Variants in KDM5B observed in about 807,000 individuals in gnomAD.
The protein encoded by KDM5B is lysine-specific demethylase 5B.
In KDM5B, 144 loss-of-function variants were observed where a neutral mutation model predicts 193.4. That is an observed-to-expected ratio of 0.74 (90% CI 0.65 to 0.86). The LOEUF is 0.86. Ranked by LOEUF, KDM5B falls within the 40% of genes least tolerant of loss-of-function variation. The pLI, the probability that KDM5B is intolerant of heterozygous loss-of-function variation, is 0.00. For synonymous variants in KDM5B, 668 were observed against 682.6 expected, an observed-to-expected ratio of 0.98 and a Z score of 0.33; for missense variants, 1,833 against 1,886.9, an observed-to-expected ratio of 0.97 and a Z score of 0.53.
intron 13 of KDM5B, 23 bp from the exon 14 acceptor site, chr1:202,749,162 A>G (rs1655692780): frequency 6.3e-7 from 1 of 1,590,148 alleles, no homozygotes; most frequent in Non-Finnish European, 8.6e-7. Flanking sequence ...ACGGAAAGAA[A>G]AAAATAACAT....
At position 202,733,776 on chromosome 1, in the gene KDM5B, G is replaced by T; in HGVS notation, c.3534C>A (p.Ile1178=). Residue 1178 remains isoleucine, a synonymous_variant, in exon 23 of 27, where the codon ATC becomes ATA. Coordinates refer to ENST00000367265, the MANE Select transcript of KDM5B (RefSeq NM_006618.5). ...CAGCTGGGGCCTTCTGACATAGGCA[G>T]ATTTTTATATCCACATCTTGGAGAG... is the stretch of plus-strand genomic sequence containing the variant. ...LSPLQDVDIK[I]CLCQKAPAAP... 3 of 1,614,182 alleles carry T rather than the reference G, an allele frequency of 1.9e-6. No individual in the cohort carries two copies. The highest frequency in any genetic ancestry group is 2.5e-6 in the Non-Finnish European group (3 of 1,180,018).
At chr1:202,753,849 T>C (rs937944537) in intron 11 of KDM5B, among the ~76,000 whole-genome samples, 1 of 151,812 alleles carries the variant, frequency 6.6e-6, no homozygotes, top group Admixed American at 6.6e-5. Context: ...TTTGTATTTT[T>C]AGTGGACACG....
chr1:202,763,164 T>C (rs938782789), intron 6 of KDM5B, among the ~76,000 whole-genome samples: 1 of 152,140 alleles, frequency 6.6e-6, no homozygotes, highest in African/African-American at 2.4e-5. Context: ...ACCAACTATA[T>C]CTCCTCCACA....
At chr1:202,779,454 G>C (rs931821452) in intron 1 of KDM5B, among the ~76,000 whole-genome samples, 17 of 151,716 alleles carry the variant, frequency 1.1e-4, no homozygotes, top group African/African-American at 3.4e-4. Flanking sequence ...ACTACAGCCT[G>C]GGTGACAGAG....
intron 11 of KDM5B, among the ~76,000 whole-genome samples, chr1:202,755,036 C>T (rs1028681188): frequency 2.0e-5 from 3 of 152,166 alleles, no homozygotes; most frequent in Non-Finnish European, 4.4e-5. Flanking sequence ...CCCAGAATTA[C>T]GTTGTTCTTG....
At chr1:202,753,125 T>C in intron 11 of KDM5B, 58 bp from the exon 12 acceptor site, 6 of 1,440,476 alleles carry the variant, frequency 4.2e-6, no homozygotes, top group Non-Finnish European at 5.7e-6. Flanking sequence ...CAAAATGGGT[T>C]ACCAGTTCAT....
intron 1 of KDM5B, among the ~76,000 whole-genome samples, chr1:202,778,285 TTAAA>T (rs914159365): frequency 2.0e-5 from 3 of 151,988 alleles, no homozygotes; most frequent in Non-Finnish European, 4.4e-5. Context: ...AATCAGACAA[TTAAA>T]TATATATATA....
At chr1:202,740,254 G>T (rs1165423006) in intron 20 of KDM5B, among the ~76,000 whole-genome samples, 1 of 145,472 alleles carries the variant, frequency 6.9e-6, no homozygotes, top group Non-Finnish European at 1.5e-5. Flanking sequence ...CCTCCCTCCC[G>T]GACGGGGCGG....
intron 8 of KDM5B, 95 bp downstream of exon 8, chr1:202,760,320 A>G: frequency 1.1e-6 from 1 of 881,752 alleles, no homozygotes; most frequent in Non-Finnish European, 1.7e-6. Context: ...TGTCTAAAAA[A>G]AATAAAATAA....
chr1:202,801,995 G>A (rs1383270970), intron 1 of KDM5B, among the ~76,000 whole-genome samples: 13 of 149,708 alleles, frequency 8.7e-5, no homozygotes, highest in African/African-American at 2.2e-4. Context: ...TTTTTTTGAG[G>A]CTGCCAATGA....
At position 202,773,182 on chromosome 1, in the gene KDM5B, A is replaced by G. The variant is rs1208549285; in HGVS notation, c.512T>C (p.Ile171Thr). ...FAPGKAVGSHIRGHYERILNP... is the reference protein window; with the variant it reads ...FAPGKAVGSHTRGHYERILNP... ...GAGAATTCGTTCATAATGCCCTCTG[A>G]TATGTGAGCCCACTGCTTTGCCAGG... The change falls in exon 4 of 27, where the codon ATC becomes ACC. Residue 171 changes from isoleucine (I) to threonine (T), a missense_variant. Transcript: ENST00000367265. 6.2e-7 allele frequency: 1 copy of G among 1,613,708 alleles called. No individual in the cohort carries two copies.
intron 1 of KDM5B, among the ~76,000 whole-genome samples, chr1:202,799,473 G>C (rs1267711558): frequency 6.6e-6 from 1 of 152,086 alleles, no homozygotes; most frequent in Non-Finnish European, 1.5e-5. Flanking sequence ...GACCAAGATG[G>C]AGAAACCCCA....
intron 18 of KDM5B, 82 bp downstream of exon 18, chr1:202,742,309 G>A: frequency 1.1e-6 from 1 of 928,616 alleles, no homozygotes; most frequent in South Asian, 1.4e-5. Flanking sequence ...CATCAAAGAA[G>A]ATTACTTAGT....
intron 4 of KDM5B, among the ~76,000 whole-genome samples, chr1:202,770,197 G>A (rs140175602): frequency 2.7e-4 from 41 of 152,204 alleles, no homozygotes; most frequent in African/African-American, 9.4e-4. Flanking sequence ...ACATACAGAC[G>A]CTAATTTTAA....
At chr1:202,752,841 T>G in intron 12 of KDM5B, 64 bp downstream of exon 12, 1 of 1,465,996 alleles carries the variant, frequency 6.8e-7, no homozygotes, top group South Asian at 1.2e-5. Flanking sequence ...AAAAAGTGAA[T>G]AAAAAGGAAA....
intron 2 of KDM5B, 38 bp downstream of exon 2, chr1:202,776,978 CT>C (rs750654940): frequency 5.4e-6 from 7 of 1,305,670 alleles, no homozygotes; most frequent in Non-Finnish European, 6.6e-6. Flanking sequence ...GACGGTCCCC[CT>C]GGAATACAGG....
chr1:202,795,471 G>C (rs1657805309), intron 1 of KDM5B, among the ~76,000 whole-genome samples: 1 of 152,024 alleles, frequency 6.6e-6, no homozygotes, highest in Non-Finnish European at 1.5e-5. Context: ...GGCTAACATA[G>C]TGAAACCCCA....
intron 25 of KDM5B, 94 bp from the exon 26 acceptor site, chr1:202,730,121 A>C: frequency 5.6e-6 from 6 of 1,066,094 alleles, no homozygotes; most frequent in Non-Finnish European, 6.6e-6. Flanking sequence ...TAGAAATCAG[A>C]TGATCCCCCA....
intron 3 of KDM5B, among the ~76,000 whole-genome samples, chr1:202,774,077 C>CAG (rs906631688): frequency 2.0e-5 from 3 of 152,044 alleles, no homozygotes; most frequent in Non-Finnish European, 4.4e-5. Context: ...CCCTGAGCCT[C>CAG]AGTTTCCTTA....
Sources: gnomAD v4.1 joint callset for allele counts (sites outside exome capture counted in the v4.1 genomes callset) on GRCh38, gnomAD v4.1.1 for gene constraint, MANE v1.5 for transcripts, NCBI Gene and HGNC (gene_info 2026-07-23, HGNC 2026-07-21) for gene names.